Variants in STPG2 observed in about 807,000 individuals in gnomAD.
STPG2 encodes the protein sperm tail PG-rich repeat containing 2, also known as sperm-tail PG-rich repeat-containing protein 2.
In STPG2, 56 loss-of-function variants were observed where a neutral mutation model predicts 54.2. The observed-to-expected ratio is 1.03, with a 90% CI of 0.83 to 1.29. The LOEUF (loss-of-function observed/expected upper bound fraction) is 1.29. STPG2 is among the 50% of genes most tolerant of loss of function. The pLI is 0.00. For missense variants in STPG2, 596 were observed against 544.9 expected (o/e 1.09, Z -0.93); for synonymous variants, 200 against 181.8 (o/e 1.10, Z -0.81).
Position 97,737,758 on chromosome 4 carries a change from G to C in STPG2, c.1205-24944C>G, listed in dbSNP as rs186741305. On this transcript the variant is annotated intron_variant, in intron 9 of 10. Coordinates refer to ENST00000295268, the MANE Select transcript of STPG2 (RefSeq NM_174952.3). ...CATCGGTGTACCTGAAAGTGACGGGGAGAATGGAACCAAGCTGGAAAACAC... is the reference window on the plus strand; with the variant it reads ...CATCGGTGTACCTGAAAGTGACGGGCAGAATGGAACCAAGCTGGAAAACAC... Among the ~76,000 whole-genome samples, 18 of 152,348 alleles carry C rather than the reference G, an allele frequency of 1.2e-4. No individual in the cohort carries two copies. In the East Asian group the frequency reaches 3.5e-3, roughly 29 times the overall value.
chr4:97,946,919 T>A (rs895820506), intron 7 of STPG2, among the ~76,000 whole-genome samples: 1 of 152,140 alleles, frequency 6.6e-6, no homozygotes, highest in Non-Finnish European at 1.5e-5. Flanking sequence ...TTTCTTTTAA[T>A]TCTGTGAAAA....
chr4:98,010,223 T>C (rs1735702434), intron 5 of STPG2, among the ~76,000 whole-genome samples: 1 of 152,130 alleles, frequency 6.6e-6, no homozygotes, highest in Non-Finnish European at 1.5e-5. Context: ...TTGATGTAGG[T>C]ATTTATTGAT....
intron 10 of STPG2, among the ~76,000 whole-genome samples, chr4:97,599,561 T>C (rs1733399693): frequency 6.6e-6 from 1 of 152,042 alleles, no homozygotes; most frequent in Non-Finnish European, 1.5e-5. Context: ...CGGTGGCTCA[T>C]GCCTGTAATC....
intron 4 of STPG2, among the ~76,000 whole-genome samples, chr4:97,454,769 GAA>G (rs1729473363): frequency 6.6e-6 from 1 of 151,976 alleles, no homozygotes; most frequent in South Asian, 2.1e-4. Context: ...TATGTACAAA[GAA>G]GTATCTGAGA....
rs554019841 is a variant in STPG2, at chr4:97,964,560, T to C, written c.933+7720A>G. ...TCAGAAAAATAAGTTTTAATGAACA[T>C]TAAAAACCTGAAAAAACTAATATCT... On this transcript the variant is annotated intron_variant, in intron 7 of 10. Transcript: ENST00000295268. 1.7e-3 allele frequency among the ~76,000 whole-genome samples: 266 copies of C among 152,200 alleles called. 2 individuals are homozygous for C. Among genetic ancestry groups the C allele is most frequent in the African/African-American group, 5.9e-3 (247 of 41,534 alleles).
chr4:97,899,538 A>G lies in STPG2; in HGVS notation c.1044+44359T>C, dbSNP rs1311609369. ...AGGTAATTCTAAGCAAAAAGAACAA[A>G]GCTGGAGGCATTACACTACCCAAAT... is the stretch of plus-strand genomic sequence containing the variant. On this transcript the variant is annotated intron_variant, in intron 8 of 10. Coordinates refer to ENST00000295268, the MANE Select transcript of STPG2 (RefSeq NM_174952.3). 2.6e-5 allele frequency among the ~76,000 whole-genome samples: 4 copies of G among 152,174 alleles called. No homozygotes were observed. In the East Asian group the frequency reaches 7.7e-4, roughly 29 times the overall value.
chr4:97,884,532 C>T (rs1252345151), intron 8 of STPG2, among the ~76,000 whole-genome samples: 6 of 152,164 alleles, frequency 3.9e-5, no homozygotes, highest in Non-Finnish European at 8.8e-5. Context: ...AGAAACCAAT[C>T]ATGACCACAC....
chr4:97,763,179 A>G (rs1725940468), intron 9 of STPG2, among the ~76,000 whole-genome samples: 1 of 152,196 alleles, frequency 6.6e-6, no homozygotes, highest in Non-Finnish European at 1.5e-5. Context: ...TAATACAGGA[A>G]TATTTTTTGG....
At chr4:98,053,880 T>C (rs1315124676) in intron 5 of STPG2, among the ~76,000 whole-genome samples, 1 of 152,154 alleles carries the variant, frequency 6.6e-6, no homozygotes, top group Non-Finnish European at 1.5e-5. Context: ...ATTCATTTGT[T>C]GGATGATATG....
At chr4:97,627,159 TTTATTAA>T in intron 10 of STPG2, among the ~76,000 whole-genome samples, 8 of 152,118 alleles carry the variant, frequency 5.3e-5, no homozygotes, top group Admixed American at 2.6e-4. Flanking sequence ...TCTTCCAATC[TTTATTAA>T]GTTATAAAGA....
intron 7 of STPG2, among the ~76,000 whole-genome samples, chr4:97,968,875 C>G (rs970443924): frequency 6.6e-6 from 1 of 152,164 alleles, no homozygotes; most frequent in Non-Finnish European, 1.5e-5. Context: ...GAGCCAACAG[C>G]GCGTGATGTG....
In STPG2 at chr4:98,143,166, G is replaced by A. The variant is rs1268549428; in HGVS notation, c.-16C>T. On this transcript the variant is annotated 5_prime_UTR_variant, in exon 1 of 11. Coordinates refer to ENST00000295268, the MANE Select transcript of STPG2 (RefSeq NM_174952.3). Reference sequence around the variant, plus strand: ...GATCATACATAGTGCTCGGGGTGGTGGGGGCGCTGGGGAAGGGCAGGTGCC... The same window carrying A: ...GATCATACATAGTGCTCGGGGTGGTAGGGGCGCTGGGGAAGGGCAGGTGCC... The A allele has an allele frequency of 5.0e-6, 8 of 1,599,496 alleles. No homozygotes were observed. Among genetic ancestry groups the A allele is most frequent in the Non-Finnish European group, 6.8e-6 (8 of 1,168,786 alleles).
chr4:98,081,104 G>C (rs1738329354), intron 5 of STPG2, among the ~76,000 whole-genome samples: 1 of 152,164 alleles, frequency 6.6e-6, no homozygotes, highest in Non-Finnish European at 1.5e-5. Context: ...AAAACTTCCA[G>C]ATAAGAGAAT....
chr4:97,780,257 C>CA (rs1335714369), intron 9 of STPG2, among the ~76,000 whole-genome samples: 1 of 56,850 alleles, frequency 1.8e-5, no homozygotes, highest in Admixed American at 2.1e-4. Context: ...AAATGGAAAA[C>CA]AAAAAAAGGC....
At chr4:97,802,454 A>G (rs1727429315) in intron 9 of STPG2, among the ~76,000 whole-genome samples, 1 of 152,156 alleles carries the variant, frequency 6.6e-6, no homozygotes, top group South Asian at 2.1e-4. Context: ...TCAAGTAAAT[A>G]TACATATATA....
intron 10 of STPG2, among the ~76,000 whole-genome samples, chr4:97,603,867 A>G (rs1441210343): frequency 6.6e-6 from 1 of 151,644 alleles, no homozygotes; most frequent in African/African-American, 2.4e-5. Context: ...ATGGATATAA[A>G]GTTTCAGTTT....
intron 10 of STPG2, among the ~76,000 whole-genome samples, chr4:97,608,816 A>AT (rs1477087932): frequency 3.3e-5 from 5 of 152,034 alleles, no homozygotes; most frequent in Non-Finnish European, 5.9e-5. Context: ...GCAGAAATGT[A>AT]TTTTTTAAAT....
At chr4:97,831,084 C>T (rs1679576544) in intron 9 of STPG2, among the ~76,000 whole-genome samples, 1 of 152,154 alleles carries the variant, frequency 6.6e-6, no homozygotes, top group Admixed American at 6.5e-5. Flanking sequence ...TTCTCAGCAC[C>T]TCATCTGACT....
intron 10 of STPG2, among the ~76,000 whole-genome samples, chr4:97,590,402 T>C (rs987685337): frequency 6.6e-6 from 1 of 151,980 alleles, no homozygotes; most frequent in African/African-American, 2.4e-5. Flanking sequence ...CCAGGGCTTA[T>C]ATACTATAGG....
Sources: gnomAD v4.1 joint callset for allele counts (sites outside exome capture counted in the v4.1 genomes callset) on GRCh38, gnomAD v4.1.1 for gene constraint, MANE v1.5 for transcripts, NCBI Gene and HGNC (gene_info 2026-07-23, HGNC 2026-07-21) for gene names.